PTPRM: variants seen among roughly 807,000 people sequenced by gnomAD.
PTPRM encodes protein tyrosine phosphatase receptor type M.
In PTPRM, 47 loss-of-function variants were observed where a neutral mutation model predicts 186.7. The ratio of observed to expected loss-of-function variants is 0.25; its 90% confidence interval spans 0.20 to 0.32. The LOEUF (loss-of-function observed/expected upper bound fraction) is 0.32, where lower values mean the gene tolerates loss of function less well. Ranked by LOEUF, PTPRM falls within the 10% of genes least tolerant of loss-of-function variation. The pLI is 1.00. For synonymous variants in PTPRM, 668 were observed against 674.9 expected (o/e 0.99, Z 0.16); for missense variants, 1,494 against 1,865.0 (o/e 0.80, Z 3.66).
intron 3 of PTPRM, among the ~76,000 whole-genome samples, chr18:7,900,561 GTA>G (rs948660458): frequency 4.2e-4 from 64 of 152,066 alleles, no homozygotes; most frequent in African/African-American, 1.3e-3. Flanking sequence ...GTGTGTGTGT[GTA>G]TATATATGTA....
chr18:8,177,775 C>G (rs1022972042), intron 14 of PTPRM, among the ~76,000 whole-genome samples: 24 of 152,186 alleles, frequency 1.6e-4, no homozygotes, highest in African/African-American at 5.3e-4. Flanking sequence ...AAGTAGGCAA[C>G]TTGAGAGGGT....
At chr18:8,127,158 A>G (rs576249673) in intron 13 of PTPRM, among the ~76,000 whole-genome samples, 123 of 152,150 alleles carry the variant, frequency 8.1e-4, no homozygotes, top group African/African-American at 2.9e-3. Context: ...AACACACTGG[A>G]AAAAAAAGAA....
chr18:8,218,298 G>A (rs12965261), intron 14 of PTPRM, among the ~76,000 whole-genome samples: 27,645 of 152,124 alleles, frequency 0.18, 2,534 homozygotes, highest in Non-Finnish European at 0.2. Flanking sequence ...ACGCCCAGGG[G>A]TAAATTGCAG....
chr18:8,284,963 T>C (rs2094940112), intron 19 of PTPRM, among the ~76,000 whole-genome samples: 1 of 152,214 alleles, frequency 6.6e-6, no homozygotes, highest in African/African-American at 2.4e-5. Context: ...TTTTTCCTCA[T>C]ACAGAGCTCC....
At chr18:7,851,475 A>G (rs375420898) in intron 2 of PTPRM, among the ~76,000 whole-genome samples, 69 of 152,310 alleles carry the variant, frequency 4.5e-4, no homozygotes, top group African/African-American at 1.5e-3. Context: ...TCCACCTTCA[A>G]AGGAGCAATA....
intron 14 of PTPRM, among the ~76,000 whole-genome samples, chr18:8,156,113 T>G (rs893777094): frequency 6.6e-6 from 1 of 152,224 alleles, no homozygotes; most frequent in African/African-American, 2.4e-5. Context: ...GATAATTGAA[T>G]AGGGTTGAGG....
chr18:8,105,557 C>T (rs1164224226), intron 11 of PTPRM, among the ~76,000 whole-genome samples: 2 of 152,186 alleles, frequency 1.3e-5, no homozygotes, highest in African/African-American at 4.8e-5. Context: ...TTCAGACTTG[C>T]TTTTGTGCAT....
intron 1 of PTPRM, among the ~76,000 whole-genome samples, chr18:7,572,699 T>G (rs2036592576): frequency 6.6e-6 from 1 of 152,212 alleles, no homozygotes; most frequent in Non-Finnish European, 1.5e-5. Flanking sequence ...TGCATTTTAC[T>G]TTAGTTCTGA....
chr18:7,750,119 G>A (rs2144603637), intron 1 of PTPRM, among the ~76,000 whole-genome samples: 1 of 152,256 alleles, frequency 6.6e-6, no homozygotes, highest in South Asian at 2.1e-4. Context: ...TAGGAAAATA[G>A]GAATTACAGG....
intron 1 of PTPRM, among the ~76,000 whole-genome samples, chr18:7,578,041 G>T (rs2036735385): frequency 6.6e-6 from 1 of 152,148 alleles, no homozygotes; most frequent in South Asian, 2.1e-4. Flanking sequence ...GTAGCCTCTG[G>T]TTGGATCAGG....
At position 7,678,550 on chromosome 18, in the gene PTPRM, G is replaced by C. The variant is rs557023001; in HGVS notation, c.74-95599G>C. Among the ~76,000 whole-genome samples, 41 of 152,254 alleles carry C rather than the reference G, an allele frequency of 2.7e-4. No individual in the cohort carries two copies. In the East Asian group the frequency reaches 6.4e-3, roughly 24 times the overall value. The stretch of plus-strand genomic sequence containing the variant: ...TTCAGAGGACCACTGGGCGTGTGCA[G>C]TTAACAGTTTGGTTTGTGTTTTTCT... On this transcript the variant is annotated intron_variant, in intron 1 of 32. Transcript: ENST00000580170.
intron 32 of PTPRM, among the ~76,000 whole-genome samples, chr18:8,394,834 G>A (rs904904525): frequency 2.0e-5 from 3 of 152,094 alleles, no homozygotes; most frequent in Admixed American, 6.6e-5. Context: ...TTCGAAATGC[G>A]GAAATAGCTG....
intron 11 of PTPRM, among the ~76,000 whole-genome samples, chr18:8,111,931 G>C (rs1443420528): frequency 6.6e-6 from 1 of 152,110 alleles, no homozygotes; most frequent in African/African-American, 2.4e-5. Context: ...GTTTTTAATG[G>C]TATTCCAGGT....
intron 22 of PTPRM, among the ~76,000 whole-genome samples, chr18:8,319,584 C>T (rs2095332836): frequency 6.6e-6 from 1 of 152,198 alleles, no homozygotes; most frequent in Non-Finnish European, 1.5e-5. Flanking sequence ...ATCCAGCAAG[C>T]ACCCCCTTCT....
At chr18:8,031,468 G>A (rs1290795158) in intron 7 of PTPRM, among the ~76,000 whole-genome samples, 2 of 152,072 alleles carry the variant, frequency 1.3e-5, no homozygotes, top group African/African-American at 2.4e-5. Context: ...CAGTATGTGT[G>A]GAATTAATAA....
intron 2 of PTPRM, among the ~76,000 whole-genome samples, chr18:7,857,254 G>A (rs1403644755): frequency 6.6e-6 from 1 of 152,078 alleles, no homozygotes; most frequent in East Asian, 1.9e-4. Flanking sequence ...GGCATGCTGA[G>A]GATGTTGAGC....
intron 31 of PTPRM, among the ~76,000 whole-genome samples, chr18:8,387,489 G>A (rs972737758): frequency 2.5e-5 from 3 of 120,302 alleles, no homozygotes; most frequent in African/African-American, 6.9e-5. Flanking sequence ...TGCCTCCGCC[G>A]CCCACTGCCA....
intron 14 of PTPRM, among the ~76,000 whole-genome samples, chr18:8,189,032 G>T (rs1170650613): frequency 1.3e-5 from 2 of 151,896 alleles, no homozygotes; most frequent in Non-Finnish European, 2.9e-5. Context: ...GAGGCTGGGC[G>T]TGGTGGCTCA....
intron 2 of PTPRM, among the ~76,000 whole-genome samples, chr18:7,844,902 G>A (rs995676142): frequency 5.3e-5 from 8 of 152,022 alleles, no homozygotes; most frequent in African/African-American, 1.9e-4. Context: ...ATCTTACTGA[G>A]GTTCATTTTG....
Sources: allele counts gnomAD v4.1 joint callset (sites outside exome capture counted in the v4.1 genomes callset), GRCh38; gene constraint gnomAD v4.1.1; transcripts MANE v1.5; gene names NCBI Gene and HGNC (gene_info 2026-07-23, HGNC 2026-07-21).